Variants in SLC10A7 observed in about 807,000 individuals in gnomAD.
The protein encoded by SLC10A7 is sodium/bile acid cotransporter 7.
SLC10A7 carries 29 observed loss-of-function variants against 43.2 expected under a neutral mutation model. The ratio of observed to expected loss-of-function variants is 0.67; its 90% CI spans 0.50 to 0.92. The LOEUF (loss-of-function observed/expected upper bound fraction) is 0.92, where lower values mean the gene tolerates loss of function less well. SLC10A7 is among the 40% of genes least tolerant of loss of function. The pLI is 0.00. For synonymous variants in SLC10A7, 152 were observed against 144.8 expected, an observed-to-expected ratio of 1.05 and a Z score of -0.35; for missense variants, 295 against 403.2, an observed-to-expected ratio of 0.73 and a Z score of 2.30.
intron 5 of SLC10A7, among the ~76,000 whole-genome samples, chr4:146,350,446 G>A (rs1734985510): frequency 7.1e-6 from 1 of 140,978 alleles, no homozygotes; most frequent in Non-Finnish European, 1.5e-5. Context: ...GCGGCAGCGA[G>A]GCTGGGGGAG....
At chr4:146,393,536 A>G (rs1342451593) in intron 5 of SLC10A7, among the ~76,000 whole-genome samples, 1 of 152,228 alleles carries the variant, frequency 6.6e-6, no homozygotes. Flanking sequence ...ATAAAGACAG[A>G]AAGTACCCTG....
intron 9 of SLC10A7, among the ~76,000 whole-genome samples, chr4:146,290,395 A>C (rs2111171685): frequency 6.8e-6 from 1 of 148,012 alleles, no homozygotes; most frequent in Middle Eastern, 3.5e-3. Flanking sequence ...ACAGAGAATG[A>C]GGCTATGTGA....
At chr4:146,340,367 G>A (rs572810939) in intron 5 of SLC10A7, among the ~76,000 whole-genome samples, 5 of 151,874 alleles carry the variant, frequency 3.3e-5, no homozygotes, top group East Asian at 1.9e-4. Context: ...AAATCACTTC[G>A]CCATAATCAA....
intron 5 of SLC10A7, among the ~76,000 whole-genome samples, chr4:146,404,476 ATG>A (rs34519773): frequency 0.44 from 61,840 of 141,166 alleles, 13,122 homozygotes; most frequent in Admixed American, 0.55. Flanking sequence ...CTGCTCATTT[ATG>A]TGTGTGTGTG....
intron 9 of SLC10A7, among the ~76,000 whole-genome samples, chr4:146,286,070 TGGTGAGAAGGACTCTGGAG>T (rs1312208133): frequency 8.0e-6 from 1 of 124,436 alleles, no homozygotes; most frequent in Non-Finnish European, 1.6e-5. Flanking sequence ...GTGTTTGGAG[TGGTGAGAAGGACTCTGGAG>T]TGGTGAGAAG....
chr4:146,315,764 A>G (rs1360837798), intron 6 of SLC10A7, among the ~76,000 whole-genome samples: 2 of 152,132 alleles, frequency 1.3e-5, no homozygotes, highest in Non-Finnish European at 2.9e-5. Flanking sequence ...ACAATACACA[A>G]TAGGTTTCAA....
chr4:146,497,651 C>T (rs1442107533), intron 4 of SLC10A7, among the ~76,000 whole-genome samples: 3 of 152,192 alleles, frequency 2.0e-5, no homozygotes, highest in Non-Finnish European at 4.4e-5. Flanking sequence ...GACAATGCCT[C>T]TTTCCCAAAC....
intron 5 of SLC10A7, among the ~76,000 whole-genome samples, chr4:146,341,631 G>A (rs1469708807): frequency 6.6e-6 from 1 of 151,590 alleles, no homozygotes; most frequent in Admixed American, 6.6e-5. Context: ...CTAATTTACT[G>A]AGCACTTATT....
Position 146,442,806 on chromosome 4 carries a change from TA to T in SLC10A7, c.411del (p.Phe137LeufsTer13), listed in dbSNP as rs1220109339. On this transcript the variant is annotated frameshift_variant, in exon 5 of 12. Transcript: ENST00000335472. LOFTEE classifies it high-confidence loss of function. ...AVGGNEAAAI[F>X]NSAFGSFLGI... ...ACCAAAAAACTTCCAAAGGCTGAAT[TA>T]AATATTGCAGCTGCCTATGAAGAAA... 7.5e-6 allele frequency: 12 copies of T among 1,596,560 alleles called. No homozygotes were observed. Among genetic ancestry groups the T allele is most frequent in the African/African-American group, 1.4e-5 (1 of 73,934 alleles).
chr4:146,458,881 T>TAA (rs1363909550), intron 4 of SLC10A7, among the ~76,000 whole-genome samples: 1 of 151,782 alleles, frequency 6.6e-6, no homozygotes, highest in Non-Finnish European at 1.5e-5. Context: ...GTTAGCCATG[T>TAA]AATACTGAAA....
At chr4:146,335,570 G>C (rs1733839372) in intron 5 of SLC10A7, among the ~76,000 whole-genome samples, 1 of 152,074 alleles carries the variant, frequency 6.6e-6, no homozygotes. Context: ...GAGACACAGA[G>C]AGAACTGTCG....
intron 5 of SLC10A7, among the ~76,000 whole-genome samples, chr4:146,354,244 A>G (rs1246350454): frequency 6.6e-6 from 1 of 150,518 alleles, no homozygotes; most frequent in Non-Finnish European, 1.5e-5. Flanking sequence ...TACACCAACA[A>G]CAGACAAACA....
intron 5 of SLC10A7, among the ~76,000 whole-genome samples, chr4:146,366,832 A>G (rs78156950): frequency 0.022 from 3,326 of 152,266 alleles, 113 homozygotes; most frequent in African/African-American, 0.076. Context: ...GCAGCTCCTT[A>G]CAGATCCTTT....
chr4:146,291,566 C>G (rs149137703), intron 9 of SLC10A7, among the ~76,000 whole-genome samples: 128 of 152,294 alleles, frequency 8.4e-4, no homozygotes, highest in Non-Finnish European at 1.3e-3. Context: ...GCTTTGCAAT[C>G]TGGCTCAAGC....
chr4:146,256,632 A>G (rs1187779983), intron 11 of SLC10A7, 112 bp from the exon 12 acceptor site: 12 of 1,181,772 alleles, frequency 1.0e-5, no homozygotes, highest in Admixed American at 8.9e-5. Flanking sequence ...GCCCACCCAG[A>G]TGGCATCATA....
At chr4:146,451,627 C>A (rs968456520) in intron 4 of SLC10A7, among the ~76,000 whole-genome samples, 1 of 152,070 alleles carries the variant, frequency 6.6e-6, no homozygotes, top group Admixed American at 6.6e-5. Flanking sequence ...GGGACAAAAA[C>A]CACATGATTA....
chr4:146,516,907 A>C lies in SLC10A7; in HGVS notation c.183+131T>G, dbSNP rs1295719378. On this transcript the variant is annotated intron_variant, in intron 2 of 11. Coordinates refer to ENST00000335472, the MANE Select transcript of SLC10A7 (RefSeq NM_001029998.6). Reference sequence around the variant, plus strand: ...ATGAAACACAAGTCCTTTGCCGACCAAGTTATCTTCTGCTATAGTGAATCC... The same window carrying C: ...ATGAAACACAAGTCCTTTGCCGACCCAGTTATCTTCTGCTATAGTGAATCC... 21 of 658,248 alleles carry C rather than the reference A, an allele frequency of 3.2e-5. No individual in the cohort carries two copies. The Admixed American group carries it at 4.5e-4, about 14-fold the overall frequency. 40.8% of individuals were successfully genotyped at this position (658,248 alleles called of 1,614,324 possible).
At chr4:146,263,475 T>C (rs1728361881) in intron 10 of SLC10A7, among the ~76,000 whole-genome samples, 1 of 152,206 alleles carries the variant, frequency 6.6e-6, no homozygotes, top group Admixed American at 6.5e-5. Flanking sequence ...ACTACATTTG[T>C]TAATTAGAAA....
At chr4:146,418,424 C>T (rs1728726718) in intron 5 of SLC10A7, among the ~76,000 whole-genome samples, 1 of 152,036 alleles carries the variant, frequency 6.6e-6, no homozygotes, top group Non-Finnish European at 1.5e-5. Flanking sequence ...ACATATAATC[C>T]AAATTAGCAT....
Sources: gnomAD v4.1 joint callset for allele counts (sites outside exome capture counted in the v4.1 genomes callset) on GRCh38, gnomAD v4.1.1 for gene constraint, MANE v1.5 for transcripts, NCBI Gene and HGNC (gene_info 2026-07-23, HGNC 2026-07-21) for gene names.